Variants in PCYT1B observed in about 807,000 individuals in gnomAD.
The protein encoded by PCYT1B is phosphate cytidylyltransferase 1B, choline.
A neutral mutation model predicts 26.4 loss-of-function variants in PCYT1B; 10 were observed. That is an observed-to-expected ratio of 0.38 (90% CI 0.23 to 0.64). PCYT1B has a LOEUF of 0.64. Among genes scored for constraint, PCYT1B ranks in the 30% least tolerant of loss-of-function variants. The probability of loss-of-function intolerance (pLI) is 0.56; values close to 1 mark genes in which losing one functional copy is unlikely to be tolerated. For synonymous variants in PCYT1B, 131 were observed against 108.4 expected, an observed-to-expected ratio of 1.21 and a Z score of -1.29; for missense variants, 161 against 292.7, an observed-to-expected ratio of 0.55 and a Z score of 3.28.
intron 1 of PCYT1B, among the ~76,000 whole-genome samples, chrX:24,640,827 T>A (rs1926442273): frequency 9.0e-6 from 1 of 111,521 alleles, no homozygotes; most frequent in African/African-American, 3.3e-5. Flanking sequence ...CAAGTGGAAG[T>A]CCCCATGGCA....
rs1184445894 is a variant in PCYT1B, at chrX:24,559,957, T to G, written c.*2336A>C. ...GATTTAGAACCCATTTATGTGTGGT[T>G]TGGGCTCATCCCTGGAATAGGCATT... On this transcript the variant is annotated 3_prime_UTR_variant, in exon 8 of 8. Coordinates refer to ENST00000379144, the MANE Select transcript of PCYT1B (RefSeq NM_004845.5). 8.9e-6 allele frequency: 1 copy of G among 112,122 alleles called. No homozygotes were observed. The highest frequency in any genetic ancestry group is 3.2e-5 in the African/African-American group (1 of 30,870). 9.2% of individuals were successfully genotyped at this position (112,122 alleles called of 1,213,427 possible).
chrX:24,637,756 A>G (rs1159390305), intron 1 of PCYT1B, among the ~76,000 whole-genome samples: 1 of 108,116 alleles, frequency 9.2e-6, no homozygotes, highest in African/African-American at 3.4e-5. Context: ...TGCTTATTTC[A>G]TGGGTCTGCA....
chrX:24,590,486 T>C (rs1396657426), intron 3 of PCYT1B, among the ~76,000 whole-genome samples: 2 of 111,687 alleles, frequency 1.8e-5, no homozygotes, highest in African/African-American at 6.5e-5. Context: ...CACCCCTCAG[T>C]GAAAATTACC....
chrX:24,642,469 A>G (rs1250022853), intron 1 of PCYT1B, among the ~76,000 whole-genome samples: 2 of 112,521 alleles, frequency 1.8e-5, no homozygotes, highest in African/African-American at 6.5e-5. Context: ...TACCTATTAT[A>G]TTTGATTTAG....
chrX:24,658,174 T>C (rs1366382626), intron 1 of PCYT1B: 1 of 111,998 alleles, frequency 8.9e-6, no homozygotes, highest in Non-Finnish European at 1.9e-5. Flanking sequence ...GATACATTCA[T>C]TTGCAAGTAA....
At chrX:24,591,968 C>A in intron 3 of PCYT1B, among the ~76,000 whole-genome samples, 1 of 110,780 alleles carries the variant, frequency 9.0e-6, no homozygotes, top group Non-Finnish European at 1.9e-5. Context: ...ACCATAGTCA[C>A]CCTAATGTGC....
At chrX:24,603,982 T>C (rs1051702995) in intron 3 of PCYT1B, among the ~76,000 whole-genome samples, 1 of 111,506 alleles carries the variant, frequency 9.0e-6, no homozygotes, top group Admixed American at 9.6e-5. Flanking sequence ...TCTTATACCA[T>C]GCCCCCATAG....
intron 6 of PCYT1B, among the ~76,000 whole-genome samples, chrX:24,577,722 A>G (rs1373799726): frequency 8.9e-6 from 1 of 112,082 alleles, no homozygotes; most frequent in African/African-American, 3.2e-5. Flanking sequence ...TTATAGCTGC[A>G]TGTAATTTTA....
intron 5 of PCYT1B, among the ~76,000 whole-genome samples, chrX:24,585,996 C>G (rs1339566962): frequency 7.2e-5 from 8 of 111,235 alleles, no homozygotes; most frequent in Non-Finnish European, 1.3e-4. Context: ...CACCTCCACA[C>G]ACCCTACACT....
upstream of PCYT1B, among the ~76,000 whole-genome samples, chrX:24,648,317 G>T (rs750274772): frequency 1.8e-5 from 2 of 110,660 alleles, no homozygotes; most frequent in Non-Finnish European, 3.8e-5. Flanking sequence ...GCACAAGCAC[G>T]GTGCTAAGTA....
At chrX:24,598,354 A>G (rs1924850479) in intron 3 of PCYT1B, among the ~76,000 whole-genome samples, 1 of 111,471 alleles carries the variant, frequency 9.0e-6, no homozygotes, top group African/African-American at 3.3e-5. Context: ...TTTTAATAAT[A>G]TATGCCCCCT....
chrX:24,625,842 G>A (rs5944658), intron 1 of PCYT1B, among the ~76,000 whole-genome samples: 52,975 of 105,380 alleles, frequency 0.5, 10,399 homozygotes, highest in East Asian at 0.69. Flanking sequence ...GGACAGGCGC[G>A]GTGGCTCATG....
chrX:24,578,966 G>A (rs1241061032), intron 6 of PCYT1B, among the ~76,000 whole-genome samples: 2 of 111,205 alleles, frequency 1.8e-5, no homozygotes, highest in African/African-American at 3.3e-5. Context: ...GTTATTGTGT[G>A]GGTTAAATGA....
Position 24,599,855 on chromosome X carries a change from C to T in PCYT1B, c.334+7890G>A, listed in dbSNP as rs928126133. ...TTCAAAGCATTATAGTATTTAGATGCCAATAGATGCATTAAAGTGATGGGG... is the reference window on the plus strand; with the variant it reads ...TTCAAAGCATTATAGTATTTAGATGTCAATAGATGCATTAAAGTGATGGGG... On this transcript the variant is annotated intron_variant, in intron 3 of 7. Transcript: ENST00000379144. Among the ~76,000 whole-genome samples the T allele has an allele frequency of 6.3e-5, 7 of 111,477 alleles. No individual in the cohort carries two copies. In the East Asian group the frequency reaches 1.7e-3, roughly 27 times the overall value.
chrX:24,591,994 CT>C (rs757509665), intron 3 of PCYT1B, among the ~76,000 whole-genome samples: 19 of 111,154 alleles, frequency 1.7e-4, no homozygotes, highest in Non-Finnish European at 2.6e-4. Context: ...AACACCAGAA[CT>C]TATTCCTCCT....
intron 7 of PCYT1B, among the ~76,000 whole-genome samples, chrX:24,573,508 T>A (rs927866133): frequency 9.0e-6 from 1 of 111,075 alleles, no homozygotes; most frequent in African/African-American, 3.3e-5. Context: ...CTATACCAAC[T>A]CTTATCAGCA....
chrX:24,624,093 CCAA>C (rs1925800724), intron 1 of PCYT1B, among the ~76,000 whole-genome samples: 1 of 108,656 alleles, frequency 9.2e-6, no homozygotes, highest in Admixed American at 9.8e-5. Flanking sequence ...CCTCAGCCTC[CCAA>C]GTAGCTGGGA....
chrX:24,656,551 CTTTTTTTTTTTT>C (rs1179469896), intron 1 of PCYT1B, among the ~76,000 whole-genome samples: 2 of 56,637 alleles, frequency 3.5e-5, no homozygotes, highest in Non-Finnish European at 6.0e-5. Context: ...TCTTTTTTTC[CTTTTTTTTTTTT>C]TTTTTTTTTT....
Position 24,562,254 on chromosome X carries a change from C to T in PCYT1B, c.*39G>A. 8.6e-7 allele frequency: 1 copy of T among 1,167,019 alleles called. No individual in the cohort carries two copies. The highest frequency in any genetic ancestry group is 1.8e-5 in the African/African-American group (1 of 56,884). ...CAACCCTGTGACTCTCGCCCTCCTCCCCATCCTGCATGGTGCGGCTCTTGC... is the reference window on the plus strand; with the variant it reads ...CAACCCTGTGACTCTCGCCCTCCTCTCCATCCTGCATGGTGCGGCTCTTGC... On this transcript the variant is annotated 3_prime_UTR_variant, in exon 8 of 8. Transcript: ENST00000379144.
Sources: gnomAD v4.1 joint callset for allele counts (sites outside exome capture counted in the v4.1 genomes callset) on GRCh38, gnomAD v4.1.1 for gene constraint, MANE v1.5 for transcripts, NCBI Gene and HGNC (gene_info 2026-07-23, HGNC 2026-07-21) for gene names.